The following CA7 variants were observed in gnomAD, a reference collection of about 807,000 sequenced individuals.
CA7 encodes carbonate dehydratase VII.
In CA7, 13 loss-of-function variants were observed where a neutral mutation model predicts 31.4. The ratio of observed to expected loss-of-function variants is 0.41; its 90% CI spans 0.27 to 0.66. The LOEUF is 0.66. Among genes scored for constraint, CA7 ranks in the 30% least tolerant of loss-of-function variants. The probability of loss-of-function intolerance (pLI) is 0.28; values close to 1 mark genes in which losing one functional copy is unlikely to be tolerated. For missense variants in CA7, 215 were observed against 351.0 expected (o/e 0.61, Z 3.10); for synonymous variants, 128 against 133.2 (o/e 0.96, Z 0.27).
intron 3 of CA7, among the ~76,000 whole-genome samples, chr16:66,850,911 T>C (rs2145383115): frequency 6.6e-6 from 1 of 152,316 alleles, no homozygotes; most frequent in South Asian, 2.1e-4. Flanking sequence ...GCAGCCTTGC[T>C]GACAGCCCTT....
chr16:66,852,983 C>A, intron 6 of CA7, 116 bp downstream of exon 6: 1 of 878,808 alleles, frequency 1.1e-6, no homozygotes, highest in Non-Finnish European at 1.7e-6. Flanking sequence ...GGTTCCTCCC[C>A]ATTTTTTACT....
rs183352681 is a variant in CA7 at position 66,853,171 on chromosome 16, G to A, written c.673-205G>A. Among the ~76,000 whole-genome samples, 7 of 152,272 alleles carry A rather than the reference G, an allele frequency of 4.6e-5. No individual in the cohort carries two copies. The highest frequency in any genetic ancestry group is 3.3e-4 in the Admixed American group (5 of 15,294). On this transcript the variant is annotated intron_variant, in intron 6 of 6. Coordinates refer to ENST00000338437, the MANE Select transcript of CA7 (RefSeq NM_005182.3). The surrounding 1 kb of genome is among the most constrained non-coding windows in gnomAD (Gnocchi z 4.5). ...TAGATGGGCTTGGAACTAGAACTAGGTAAAGCAGAGCCCAGACCCTTTAGT... is the reference window on the plus strand; with the variant it reads ...TAGATGGGCTTGGAACTAGAACTAGATAAAGCAGAGCCCAGACCCTTTAGT...
Position 66,852,229 on chromosome 16 carries a change from G to A in CA7, c.517-483G>A, listed in dbSNP as rs183133341. Among the ~76,000 whole-genome samples the A allele has an allele frequency of 1.6e-4, 24 of 152,230 alleles. No individual in the cohort carries two copies. The South Asian group carries it at 3.1e-3, about 20-fold the overall frequency. ...TGTAATCCCAGCACTTTGGGAGGCCGAGGCAGGCGGATCACTTGAGGTCAG... is the reference window on the plus strand; with the variant it reads ...TGTAATCCCAGCACTTTGGGAGGCCAAGGCAGGCGGATCACTTGAGGTCAG... On this transcript the variant is annotated intron_variant, in intron 5 of 6. Transcript: ENST00000338437.
At chr16:66,852,995 A>G (rs1961097598) in intron 6 of CA7, 128 bp downstream of exon 6, 5 of 800,742 alleles carry the variant, frequency 6.2e-6, no homozygotes, top group Non-Finnish European at 9.4e-6. Context: ...TTTTTTACTA[A>G]TAAATGTATA....
At chr16:66,844,755 C>A (rs1960887460) in intron 1 of CA7, among the ~76,000 whole-genome samples, 1 of 152,250 alleles carries the variant, frequency 6.6e-6, no homozygotes, top group South Asian at 2.1e-4. Flanking sequence ...AGCAAGCGAC[C>A]TGGCGGCTGT....
intron 2 of CA7, among the ~76,000 whole-genome samples, chr16:66,848,010 T>C (rs1960963501): frequency 6.6e-6 from 1 of 152,078 alleles, no homozygotes; most frequent in Admixed American, 6.5e-5. Flanking sequence ...CCTACTAGAG[T>C]TTCTTGTGTA....
Position 66,851,658 on chromosome 16 carries a change from TGACA to T in CA7, c.454_457del. On this transcript the variant is annotated splice_acceptor_variant and splice_polypyrimidine_tract_variant and intron_variant, in intron 4 of 6. Transcript: ENST00000338437. LOFTEE classifies it high-confidence loss of function. ...CTCTGGGCTCACACTGCCCTCTCCC[TGACA>T]GACAGGAGACGAGCACCCCAGCATG... 6.2e-7 allele frequency: 1 copy of T among 1,614,114 alleles called. No individual in the cohort carries two copies. Among genetic ancestry groups the T allele is most frequent in the Non-Finnish European group, 8.5e-7 (1 of 1,179,986 alleles).
At chr16:66,849,123 G>A (rs890273596) in intron 2 of CA7, among the ~76,000 whole-genome samples, 1 of 152,188 alleles carries the variant, frequency 6.6e-6, no homozygotes, top group Non-Finnish European at 1.5e-5. Flanking sequence ...TCACATTCAA[G>A]CCTAGCTGGG....
chr16:66,845,388 T>G (rs1215641284), intron 1 of CA7, among the ~76,000 whole-genome samples: 1 of 151,850 alleles, frequency 6.6e-6, no homozygotes, highest in Non-Finnish European at 1.5e-5. Context: ...GAAAAAGTAA[T>G]GATGGGAGGA....
chr16:66,852,586 G>GAA (rs111695989), intron 5 of CA7, 126 bp from the exon 6 acceptor site: 56 of 439,660 alleles, frequency 1.3e-4, no homozygotes, highest in South Asian at 1.1e-3. Flanking sequence ...GAAAAGAAAA[G>GAA]AAAAAAAAAA....
rs1419723159 is a variant in CA7, at chr16:66,844,458, C to G, written c.-30C>G. On this transcript the variant is annotated 5_prime_UTR_variant, in exon 1 of 7. Transcript: ENST00000338437. Reference sequence around the variant, plus strand: ...GAACGAGCGGACCGAGCCGACCGGGCAGGTGCACGGCTGCGGGGACGGCAG... The same window carrying G: ...GAACGAGCGGACCGAGCCGACCGGGGAGGTGCACGGCTGCGGGGACGGCAG... The G allele has an allele frequency of 1.3e-6, 2 of 1,532,488 alleles. No individual in the cohort carries two copies. Among genetic ancestry groups the G allele is most frequent in the South Asian group, 2.4e-5 (2 of 82,208 alleles). The allele number at this position is 1,532,488 out of a possible 1,614,324, so 94.9% of individuals were successfully genotyped here.
At position 66,853,521 on chromosome 16, in the gene CA7, C is replaced by A. The variant is rs751273926; in HGVS notation, c.*23C>A. 6.2e-6 allele frequency: 10 copies of A among 1,612,828 alleles called. No individual in the cohort carries two copies. Among genetic ancestry groups the A allele is most frequent in the Admixed American group, 3.3e-5 (2 of 59,980 alleles). ...TGAGCTGCCCATCTGCCTAGCCGGC[C>A]ACTAGGGCACCATCTTCTCAAGGGC... On this transcript the variant is annotated 3_prime_UTR_variant, in exon 7 of 7. Coordinates refer to ENST00000338437, the MANE Select transcript of CA7 (RefSeq NM_005182.3). This position sits in a 1 kb window ranked among gnomAD's most constrained non-coding sequence, Gnocchi z 4.5.
chr16:66,850,988 A>G (rs530506654), intron 3 of CA7, among the ~76,000 whole-genome samples: 1 of 151,580 alleles, frequency 6.6e-6, no homozygotes, highest in Non-Finnish European at 1.5e-5. Context: ...CCTTCCCCTC[A>G]CCTCTTCATA....
intron 2 of CA7, among the ~76,000 whole-genome samples, chr16:66,850,324 C>A (rs1463225825): frequency 6.6e-6 from 1 of 152,002 alleles, no homozygotes; most frequent in Non-Finnish European, 1.5e-5. Context: ...CCTATAGTCC[C>A]AGCTACTCGG....
At chr16:66,847,587 C>T (rs1466626611) in intron 2 of CA7, among the ~76,000 whole-genome samples, 2 of 152,194 alleles carry the variant, frequency 1.3e-5, no homozygotes, top group Admixed American at 1.3e-4. Context: ...GCCCTCCTCG[C>T]TGTGTGATCT....
chr16:66,850,302 T>C (rs545527270), intron 2 of CA7, among the ~76,000 whole-genome samples: 1 of 151,974 alleles, frequency 6.6e-6, no homozygotes, highest in Non-Finnish European at 1.5e-5. Context: ...TAGCTAGGTG[T>C]GGTGCCACAT....
Position 66,851,538 on chromosome 16 carries a change from G to C in CA7, c.433G>C (p.Val145Leu). Residue 145 changes from valine to leucine, a missense_variant, in exon 4 of 7, where the codon GTG becomes CTG. Transcript: ENST00000338437. ...GGCCTCAGCACCTGATGGCCTGGCT[G>C]TGGTTGGTGTTTTTTTGGAGGTGAG... ...EAASAPDGLA[V>L]VGVFLETGDE... is the part of the protein sequence containing the mutation. The C allele has an allele frequency of 6.2e-7, 1 of 1,614,158 alleles. No individual in the cohort carries two copies. The highest frequency in any genetic ancestry group is 8.5e-7 in the Non-Finnish European group (1 of 1,180,006).
At position 66,852,784 on chromosome 16, in the gene CA7, C is replaced by G. The variant is rs748521166; in HGVS notation, c.589C>G (p.Pro197Ala). 1 of 1,614,072 alleles carries G rather than the reference C, an allele frequency of 6.2e-7. No homozygotes were observed. Among genetic ancestry groups the G allele is most frequent in the Non-Finnish European group, 8.5e-7 (1 of 1,180,008 alleles). Reference protein sequence around the residue: ...LPASRHYWTYPGSLTTPPLSE... With the variant: ...LPASRHYWTYAGSLTTPPLSE... ...TGCCAGCCGGCACTACTGGACCTAC[C>G]CGGGCTCTCTGACGACTCCCCCACT... The change falls in exon 6 of 7, where the codon CCG (proline) becomes GCG (alanine). Residue 197 changes from proline to alanine, a missense_variant. Coordinates refer to ENST00000338437, the MANE Select transcript of CA7 (RefSeq NM_005182.3).
intron 5 of CA7, 124 bp from the exon 6 acceptor site, chr16:66,852,586 GAA>G (rs111695989): frequency 2.3e-6 from 1 of 439,652 alleles, no homozygotes. Flanking sequence ...GAAAAGAAAA[GAA>G]AAAAAAAAGA....
Sources: allele counts gnomAD v4.1 joint callset (sites outside exome capture counted in the v4.1 genomes callset), GRCh38; gene constraint gnomAD v4.1.1; non-coding constraint Gnocchi (gnomAD v3.1); transcripts MANE v1.5; gene names NCBI Gene and HGNC (gene_info 2026-07-23, HGNC 2026-07-21).